The following GREB1L variants were observed in gnomAD, a reference collection of about 807,000 sequenced individuals.
The protein encoded by GREB1L is GREB1 like retinoic acid receptor coactivator, also known as GREB1-like protein.
In GREB1L, 17 loss-of-function variants were observed where a neutral mutation model predicts 200.8. The observed-to-expected ratio is 0.08, with a 90% CI of 0.06 to 0.13. The LOEUF is 0.13. Ranked by LOEUF, GREB1L falls within the 10% of genes least tolerant of loss-of-function variation. The pLI, the probability that GREB1L is intolerant of heterozygous loss-of-function variation, is 1.00. For synonymous variants in GREB1L, 789 were observed against 893.0 expected, an observed-to-expected ratio of 0.88 and a Z score of 2.08; for missense variants, 1,657 against 2,367.7, an observed-to-expected ratio of 0.70 and a Z score of 6.23.
At chr18:21,354,247 T>G (rs1357914994) in intron 1 of GREB1L, among the ~76,000 whole-genome samples, 1 of 152,200 alleles carries the variant, frequency 6.6e-6, no homozygotes, top group Non-Finnish European at 1.5e-5. Flanking sequence ...CTGTCACCAT[T>G]GAGCTTTTCA....
At chr18:21,477,505 G>A in intron 17 of GREB1L, 149 bp downstream of exon 17, 1 of 616,392 alleles carries the variant, frequency 1.6e-6, no homozygotes, top group Non-Finnish European at 2.4e-6. Context: ...TCAAAAATCT[G>A]GCTGGGTGCG....
rs1243731379 is a variant in GREB1L at position 21,514,067 on chromosome 18, TAAGA to T, written c.4901+86_4901+89del. 9 of 1,334,504 alleles carry T rather than the reference TAAGA, an allele frequency of 6.7e-6. No homozygotes were observed. The East Asian group carries it at 1.5e-4, about 23-fold the overall frequency. The allele number at this position is 1,334,504 out of a possible 1,614,324, so 82.7% of individuals were successfully genotyped here. ...TCTTGACTACAGTTACATACGGAAG[TAAGA>T]AAGAGAGAGACAGCTTTCCAGAGCA... is the stretch of plus-strand genomic sequence containing the variant. On this transcript the variant is annotated intron_variant, in intron 28 of 32. Coordinates refer to ENST00000424526, the MANE Select transcript of GREB1L (RefSeq NM_001142966.3).
At chr18:21,301,371 A>C (rs1422006307) in intron 1 of GREB1L, among the ~76,000 whole-genome samples, 1 of 152,230 alleles carries the variant, frequency 6.6e-6, no homozygotes, top group South Asian at 2.1e-4. Context: ...CTTTTGACAC[A>C]GAACATTTTA....
intron 15 of GREB1L, among the ~76,000 whole-genome samples, chr18:21,461,365 A>T (rs1015116376): frequency 6.6e-6 from 1 of 151,944 alleles, no homozygotes; most frequent in Non-Finnish European, 1.5e-5. Flanking sequence ...TCTCTCAAAG[A>T]CAAAACAAGA....
Position 21,485,804 on chromosome 18 carries a change from T to C in GREB1L, c.2690+51T>C, listed in dbSNP as rs75663540. 1.5e-3 allele frequency: 2,295 copies of C among 1,529,354 alleles called. 37 individuals are homozygous for C. In the African/African-American group the frequency reaches 0.027, roughly 18 times the overall value. The allele number at this position is 1,529,354 out of a possible 1,614,324, so 94.7% of individuals were successfully genotyped here. A position where few individuals can be genotyped will look rare whatever the true frequency, so the allele number is the denominator to read the frequency against. ...TCTTCTCTCTAGCTGTACTTGCAGATCTAAAATAGCCAAAAGCCTTTTGTG... is the reference window on the plus strand; with the variant it reads ...TCTTCTCTCTAGCTGTACTTGCAGACCTAAAATAGCCAAAAGCCTTTTGTG... On this transcript the variant is annotated intron_variant, in intron 18 of 32. Transcript: ENST00000424526.
intron 1 of GREB1L, among the ~76,000 whole-genome samples, chr18:21,266,648 AAC>A (rs1432368443): frequency 2.0e-5 from 3 of 152,244 alleles, no homozygotes; most frequent in African/African-American, 7.2e-5. Context: ...AGTTTTGAAA[AAC>A]ACTGCTGTAT....
rs539905145 is a variant in GREB1L at position 21,395,627 on chromosome 18, A to G, written c.532+66A>G. 42 of 1,178,016 alleles carry G rather than the reference A, an allele frequency of 3.6e-5. No homozygotes were observed. The African/African-American group carries it at 6.4e-4, about 18-fold the overall frequency. The allele number at this position is 1,178,016 out of a possible 1,614,324, so 73.0% of individuals were successfully genotyped here. On this transcript the variant is annotated intron_variant, in intron 5 of 32. Transcript: ENST00000424526. ...GAGTTAAAATACACATTTATTTAAA[A>G]CTACTGCAGAATTTTAAAAAATATA...
At position 21,502,432 on chromosome 18, in the gene GREB1L, A is replaced by G. The variant is rs1044213327; in HGVS notation, c.4072+1790A>G. Among the ~76,000 whole-genome samples the G allele has an allele frequency of 1.1e-4, 17 of 152,086 alleles. 1 individual carries two copies. The highest frequency in any genetic ancestry group is 1.0e-3 in the South Asian group (5 of 4,822). ...GGGAAAGCCCTTGGCATCATCTACCAAATTAGCTCTTGGAGATCTCACCTC... is the reference window on the plus strand; with the variant it reads ...GGGAAAGCCCTTGGCATCATCTACCGAATTAGCTCTTGGAGATCTCACCTC... On this transcript the variant is annotated intron_variant, in intron 23 of 32. Transcript: ENST00000424526.
At chr18:21,394,632 G>A (rs911333106) in intron 4 of GREB1L, among the ~76,000 whole-genome samples, 2 of 152,000 alleles carry the variant, frequency 1.3e-5, no homozygotes, top group Non-Finnish European at 2.9e-5. Flanking sequence ...GTTTTGGCCC[G>A]TTCATCTAGG....
At chr18:21,252,557 G>GAAA (rs144115588) in intron 1 of GREB1L, among the ~76,000 whole-genome samples, 981 of 77,418 alleles carry the variant, frequency 0.013, 23 homozygotes, top group African/African-American at 0.041. Flanking sequence ...AACTCCATCT[G>GAAA]AAAAAAAAAA....
rs2034663532 is a variant in GREB1L, at chr18:21,454,464, A to T, written c.2083A>T (p.Ser695Cys). The change falls in exon 15 of 33, where the codon AGC becomes TGC. Residue 695 changes from serine to cysteine, a missense_variant. Ser to Cys is a moderately radical substitution (Grantham distance 112). Coordinates refer to ENST00000424526, the MANE Select transcript of GREB1L (RefSeq NM_001142966.3). Reference sequence around the variant, plus strand: ...TGCTATAGCGGACAGTGGCAGCCAGAGCCTGGACCTCGGTCACTTCAGCAA... The same window carrying T: ...TGCTATAGCGGACAGTGGCAGCCAGTGCCTGGACCTCGGTCACTTCAGCAA... ...VCAIADSGSQ[S>C]LDLGHFSKVD... 1 of 1,551,530 alleles carries T rather than the reference A, an allele frequency of 6.4e-7. No homozygotes were observed. The highest frequency in any genetic ancestry group is 2.0e-5 in the Admixed American group (1 of 50,988).
chr18:21,270,971 T>C (rs1355882553), intron 1 of GREB1L, among the ~76,000 whole-genome samples: 1 of 152,212 alleles, frequency 6.6e-6, no homozygotes, highest in Non-Finnish European at 1.5e-5. Context: ...TCTAGTACAC[T>C]ACACTTGAGT....
At chr18:21,243,834 T>TATTGAAAAGTA (rs11270770) in intron 1 of GREB1L, among the ~76,000 whole-genome samples, 79,885 of 151,736 alleles carry the variant, frequency 0.53, 22,222 homozygotes, top group African/African-American at 0.72. Context: ...AATGAATGAA[T>TATTGAAAAGTA]ATATAAGTAG....
intron 30 of GREB1L, among the ~76,000 whole-genome samples, chr18:21,517,137 G>A (rs529217677): frequency 6.6e-6 from 1 of 152,268 alleles, no homozygotes; most frequent in South Asian, 2.1e-4. Flanking sequence ...GCCTCCCAAA[G>A]TGCTGGGATT....
chr18:21,343,730 A>ATTTTTTT (rs36120644), intron 1 of GREB1L, among the ~76,000 whole-genome samples: 2 of 114,940 alleles, frequency 1.7e-5, no homozygotes, highest in Non-Finnish European at 3.6e-5. Flanking sequence ...GAGAAGAGAG[A>ATTTTTTT]TTTTTTTTTT....
chr18:21,376,792 G>A (rs1382235892), intron 2 of GREB1L, among the ~76,000 whole-genome samples: 9 of 131,960 alleles, frequency 6.8e-5, no homozygotes, highest in African/African-American at 1.5e-4. Context: ...GCAACAGAGC[G>A]AGACTCTGAG....
intron 23 of GREB1L, 140 bp downstream of exon 23, chr18:21,500,782 C>A: frequency 1.6e-6 from 1 of 640,080 alleles, no homozygotes; most frequent in Non-Finnish European, 2.6e-6. Context: ...AGATAATGTG[C>A]CCAAGGCCAG....
rs1456937321 is a variant in GREB1L at position 21,428,713 on chromosome 18, T to C, written c.833-10808T>C. Among the ~76,000 whole-genome samples the C allele has an allele frequency of 1.8e-3, 240 of 130,700 alleles. 1 individual carries two copies. The highest frequency in any genetic ancestry group is 3.8e-3 in the Middle Eastern group (1 of 264). 85.7% of individuals were successfully genotyped at this position (130,700 alleles called of 152,430 possible). On this transcript the variant is annotated intron_variant, in intron 7 of 32. Coordinates refer to ENST00000424526, the MANE Select transcript of GREB1L (RefSeq NM_001142966.3). The stretch of plus-strand genomic sequence containing the variant: ...ATGGCATGATCGCGGTTTATCTCTT[T>C]TTTTTTTTTTTTTTTTTTTTGAGAC...
rs140459738 is a variant in GREB1L, at chr18:21,495,404, G to A, written c.3031-266G>A. Among the ~76,000 whole-genome samples the A allele has an allele frequency of 1.1e-3, 162 of 152,306 alleles. No individual in the cohort carries two copies. In the Middle Eastern group the frequency reaches 0.014, roughly 13 times the overall value. On this transcript the variant is annotated intron_variant, in intron 19 of 32. Coordinates refer to ENST00000424526, the MANE Select transcript of GREB1L (RefSeq NM_001142966.3). ...ACTAGTGGGATATTTCACATTGTAT[G>A]TGTTTTTGGCTTGTGTTACTAATGT...
Sources: allele counts gnomAD v4.1 joint callset (sites outside exome capture counted in the v4.1 genomes callset), GRCh38; gene constraint gnomAD v4.1.1; transcripts MANE v1.5; gene names NCBI Gene and HGNC (gene_info 2026-07-23, HGNC 2026-07-21).